KCTD8: variants seen among roughly 807,000 people sequenced by gnomAD.
The protein encoded by KCTD8 is BTB/POZ domain-containing protein KCTD8.
KCTD8 carries 27 observed loss-of-function variants against 31.5 expected under a neutral mutation model. The observed-to-expected ratio is 0.86, with a 90% CI of 0.63 to 1.18. The LOEUF is 1.18. Ranked by LOEUF, KCTD8 falls within the 50% of genes most tolerant of loss-of-function variation. The probability of loss-of-function intolerance (pLI) is 0.00; values close to 1 mark genes in which losing one functional copy is unlikely to be tolerated. For synonymous variants in KCTD8, 290 were observed against 280.0 expected, an observed-to-expected ratio of 1.04 and a Z score of -0.36; for missense variants, 658 against 647.7, an observed-to-expected ratio of 1.02 and a Z score of -0.17.
chr4:44,396,875 C>T (rs919777714), intron 1 of KCTD8, among the ~76,000 whole-genome samples: 1 of 151,960 alleles, frequency 6.6e-6, no homozygotes, highest in African/African-American at 2.4e-5. Context: ...CTGATATGAC[C>T]CCATTTTGTC....
In KCTD8 at chr4:44,293,529, A is replaced by T. The variant is rs1241364576; in HGVS notation, c.962-118279T>A. The stretch of plus-strand genomic sequence containing the variant: ...TGTAATTGGTAGAAGCAGCACACAG[A>T]GGACACAAAGAAATTGAATTTATAT... On this transcript the variant is annotated intron_variant, in intron 1 of 1. Coordinates refer to ENST00000360029, the MANE Select transcript of KCTD8 (RefSeq NM_198353.3). 2.4e-5 allele frequency: 10 copies of T among 423,662 alleles called. No homozygotes were observed. The East Asian group carries it at 7.1e-4, about 30-fold the overall frequency. The allele number at this position is 423,662 out of a possible 1,614,324, so 26.2% of individuals were successfully genotyped here.
intron 1 of KCTD8, among the ~76,000 whole-genome samples, chr4:44,317,233 T>TAACCCACTTA (rs1718159076): frequency 1.8e-5 from 1 of 55,598 alleles, no homozygotes; most frequent in African/African-American, 7.5e-5. Flanking sequence ...GCTTTCTTTT[T>TAACCCACTTA]TTTTTTTTTT....
intron 1 of KCTD8, among the ~76,000 whole-genome samples, chr4:44,408,352 A>C: frequency 6.6e-6 from 1 of 152,206 alleles, no homozygotes; most frequent in South Asian, 2.1e-4. Context: ...CTATTTATTA[A>C]ACAAAAAATT....
At chr4:44,309,509 T>C (rs1717892755) in intron 1 of KCTD8, among the ~76,000 whole-genome samples, 3 of 152,310 alleles carry the variant, frequency 2.0e-5, no homozygotes, top group African/African-American at 4.8e-5. Context: ...TCAACAATAT[T>C]CTGAAAATCC....
chr4:44,302,930 G>T lies in KCTD8; in HGVS notation c.962-127680C>A, dbSNP rs567583289. Reference sequence around the variant, plus strand: ...TTTCTTGAGAGTTTTTAGCATGAAGGGTTGTTGAATTTTGTCAAAGGCCTT... The same window carrying T: ...TTTCTTGAGAGTTTTTAGCATGAAGTGTTGTTGAATTTTGTCAAAGGCCTT... On this transcript the variant is annotated intron_variant, in intron 1 of 1. Transcript: ENST00000360029. 2.6e-3 allele frequency among the ~76,000 whole-genome samples: 395 copies of T among 152,058 alleles called. 3 individuals are homozygous for T. Among genetic ancestry groups the T allele is most frequent in the African/African-American group, 8.7e-3 (360 of 41,424 alleles).
chr4:44,272,390 G>T (rs1716639621), intron 1 of KCTD8, among the ~76,000 whole-genome samples: 1 of 151,698 alleles, frequency 6.6e-6, no homozygotes, highest in East Asian at 1.9e-4. Context: ...GCACAGACTT[G>T]TCCCATCGCT....
chr4:44,227,007 A>G (rs977984635), intron 1 of KCTD8, among the ~76,000 whole-genome samples: 2 of 151,894 alleles, frequency 1.3e-5, no homozygotes, highest in Non-Finnish European at 2.9e-5. Context: ...CACTCTGATG[A>G]TAGTTTCATT....
chr4:44,185,844 T>C (rs770902963), intron 1 of KCTD8, among the ~76,000 whole-genome samples: 3 of 151,996 alleles, frequency 2.0e-5, no homozygotes, highest in Non-Finnish European at 4.4e-5. Flanking sequence ...GTACTCAGTT[T>C]AACTTTCATC....
At chr4:44,282,686 GA>G (rs898452991) in intron 1 of KCTD8, among the ~76,000 whole-genome samples, 7 of 152,216 alleles carry the variant, frequency 4.6e-5, no homozygotes, top group Admixed American at 4.6e-4. Context: ...GTGAACACAT[GA>G]GTGAAAAGAA....
At chr4:44,407,632 C>T (rs1345479923) in intron 1 of KCTD8, among the ~76,000 whole-genome samples, 1 of 151,988 alleles carries the variant, frequency 6.6e-6, no homozygotes, top group Non-Finnish European at 1.5e-5. Context: ...ATGATCCACC[C>T]GCCTTGGCCT....
chr4:44,447,620 C>A lies in KCTD8; in HGVS notation c.904G>T (p.Val302Phe). 2 of 1,605,126 alleles carry A rather than the reference C, an allele frequency of 1.2e-6. No homozygotes were observed. Among genetic ancestry groups the A allele is most frequent in the Non-Finnish European group, 1.7e-6 (2 of 1,176,172 alleles). The stretch of plus-strand genomic sequence containing the variant: ...ATCTTGTCGTCGCGGTACTGGTTGA[C>A]GAAGGCGGCGGTGCCCGAGGAGTTA... ...ACNSSGTAAF[V>F]NQYRDDKIWS... The change falls in exon 1 of 2, where the codon GTC becomes TTC. Residue 302 changes from valine to phenylalanine, a missense_variant. Physicochemically the swap from Val to Phe is conservative, Grantham distance 50. Coordinates refer to ENST00000360029, the MANE Select transcript of KCTD8 (RefSeq NM_198353.3).
intron 1 of KCTD8, among the ~76,000 whole-genome samples, chr4:44,264,850 C>G (rs1716292692): frequency 6.6e-6 from 1 of 152,198 alleles, no homozygotes. Flanking sequence ...GGGTGCATGC[C>G]ATTGCCCAGG....
chr4:44,186,253 G>A (rs552823797), intron 1 of KCTD8, among the ~76,000 whole-genome samples: 1 of 152,308 alleles, frequency 6.6e-6, no homozygotes, highest in Admixed American at 6.5e-5. Flanking sequence ...TGTGGCGGCG[G>A]CTGAGGGGAA....
chr4:44,210,760 GT>G (rs1177246599), intron 1 of KCTD8, among the ~76,000 whole-genome samples: 1 of 152,136 alleles, frequency 6.6e-6, no homozygotes, highest in East Asian at 1.9e-4. Flanking sequence ...CTCTTTTAAA[GT>G]ATGCCTGGAA....
chr4:44,280,132 G>T (rs369523153), intron 1 of KCTD8, among the ~76,000 whole-genome samples: 18 of 151,946 alleles, frequency 1.2e-4, no homozygotes, highest in East Asian at 9.7e-4. Context: ...GAAAATGGTA[G>T]GGAAAAGCTT....
At chr4:44,285,554 G>A (rs1302040685) in intron 1 of KCTD8, among the ~76,000 whole-genome samples, 1 of 152,010 alleles carries the variant, frequency 6.6e-6, no homozygotes, top group African/African-American at 2.4e-5. Context: ...AAACCACCAT[G>A]GCGTATGTAT....
intron 1 of KCTD8, among the ~76,000 whole-genome samples, chr4:44,344,669 A>G (rs1318697216): frequency 6.6e-6 from 1 of 152,158 alleles, no homozygotes; most frequent in East Asian, 1.9e-4. Flanking sequence ...AGGCCTAAAA[A>G]CAAACACAAA....
intron 1 of KCTD8, among the ~76,000 whole-genome samples, chr4:44,256,507 T>C (rs895014085): frequency 2.6e-5 from 4 of 151,894 alleles, no homozygotes; most frequent in Non-Finnish European, 4.4e-5. Context: ...ATTCCACCAG[T>C]TGATGAGGAT....
intron 1 of KCTD8, among the ~76,000 whole-genome samples, chr4:44,185,415 C>A (rs373055084): frequency 6.6e-6 from 1 of 152,212 alleles, no homozygotes; most frequent in East Asian, 1.9e-4. Context: ...ATTCCTAAAA[C>A]CTAATTCCAT....
Sources: gnomAD v4.1 joint callset for allele counts (sites outside exome capture counted in the v4.1 genomes callset) on GRCh38, gnomAD v4.1.1 for gene constraint, MANE v1.5 for transcripts, NCBI Gene and HGNC (gene_info 2026-07-23, HGNC 2026-07-21) for gene names.